NCAM2: variants seen among roughly 807,000 people sequenced by gnomAD.
NCAM2 encodes neural cell adhesion molecule 2.
In NCAM2, 30 loss-of-function variants were observed where a neutral mutation model predicts 98.1. The ratio of observed to expected loss-of-function variants is 0.31; its 90% CI spans 0.23 to 0.41. NCAM2 has a LOEUF of 0.41. Ranked by LOEUF, NCAM2 falls within the 10% of genes least tolerant of loss-of-function variation. The pLI, the probability that NCAM2 is intolerant of heterozygous loss-of-function variation, is 1.00. For missense variants in NCAM2, 867 were observed against 1,005.8 expected, an observed-to-expected ratio of 0.86 and a Z score of 1.87; for synonymous variants, 368 against 342.4, an observed-to-expected ratio of 1.07 and a Z score of -0.83.
chr21:21,366,510 A>G (rs752303911), intron 8 of NCAM2, among the ~76,000 whole-genome samples: 51 of 152,088 alleles, frequency 3.4e-4, no homozygotes, highest in Non-Finnish European at 5.7e-4. Context: ...TGCTGTCATA[A>G]TTCTTCAGTA....
intron 8 of NCAM2, among the ~76,000 whole-genome samples, chr21:21,371,325 T>C (rs748661470): frequency 1.2e-4 from 18 of 151,860 alleles, no homozygotes; most frequent in Non-Finnish European, 4.4e-5. Context: ...TTAGCAGTTA[T>C]GCATTGTCTT....
chr21:21,232,332 C>T (rs1483921394), intron 1 of NCAM2, among the ~76,000 whole-genome samples: 1 of 151,600 alleles, frequency 6.6e-6, no homozygotes, highest in Non-Finnish European at 1.5e-5. Context: ...AAACAGATTA[C>T]TGACTTGTGA....
chr21:21,450,253 A>G (rs1980822697), intron 12 of NCAM2, among the ~76,000 whole-genome samples: 1 of 151,898 alleles, frequency 6.6e-6, no homozygotes, highest in African/African-American at 2.4e-5. Context: ...ATGTATATGT[A>G]TGTATGTGTG....
In NCAM2 at chr21:21,472,804, C is replaced by T. The variant is rs1176326828; in HGVS notation, c.1896+4021C>T. Among the ~76,000 whole-genome samples the T allele has an allele frequency of 4.0e-5, 6 of 151,884 alleles. No individual in the cohort carries two copies. In the East Asian group the frequency reaches 9.7e-4, roughly 25 times the overall value. ...CTATGTGGGTGGTGGAGACTAGCAA[C>T]AGATTATGTAGGGCCTAATTTTAAA... is the stretch of plus-strand genomic sequence containing the variant. On this transcript the variant is annotated intron_variant, in intron 14 of 17. Coordinates refer to ENST00000400546, the MANE Select transcript of NCAM2 (RefSeq NM_004540.5).
chr21:21,535,378 A>C (rs886221863), intron 17 of NCAM2, among the ~76,000 whole-genome samples: 1 of 152,098 alleles, frequency 6.6e-6, no homozygotes, highest in Non-Finnish European at 1.5e-5. Context: ...TTTACTGTGC[A>C]CCAAAAAAAC....
At chr21:21,265,233 A>G (rs1206315023) in intron 1 of NCAM2, among the ~76,000 whole-genome samples, 2 of 126,640 alleles carry the variant, frequency 1.6e-5, no homozygotes, top group Non-Finnish European at 3.2e-5. Context: ...TATTATATAT[A>G]TGCATGTGTA....
intron 8 of NCAM2, among the ~76,000 whole-genome samples, chr21:21,344,842 G>A (rs1007886004): frequency 6.6e-6 from 1 of 152,150 alleles, no homozygotes; most frequent in African/African-American, 2.4e-5. Context: ...TGCTGTGGTG[G>A]CTTGAGGTCT....
intron 9 of NCAM2, among the ~76,000 whole-genome samples, chr21:21,391,105 CT>C (rs2076370748): frequency 6.6e-6 from 1 of 152,074 alleles, no homozygotes; most frequent in East Asian, 1.9e-4. Flanking sequence ...GTAATCACAC[CT>C]CCTCAGGAGG....
intron 1 of NCAM2, among the ~76,000 whole-genome samples, chr21:21,237,604 T>C (rs1362330616): frequency 6.6e-6 from 1 of 152,126 alleles, no homozygotes; most frequent in African/African-American, 2.4e-5. Context: ...TTCATTTTAT[T>C]TTTCCCTCTT....
chr21:21,362,577 A>G (rs1254995291), intron 8 of NCAM2, among the ~76,000 whole-genome samples: 1 of 152,042 alleles, frequency 6.6e-6, no homozygotes, highest in Non-Finnish European at 1.5e-5. Flanking sequence ...CTTAAGATCA[A>G]TTAATGAATC....
At chr21:21,010,674 T>G (rs2064192956) in intron 1 of NCAM2, among the ~76,000 whole-genome samples, 1 of 152,106 alleles carries the variant, frequency 6.6e-6, no homozygotes, top group Non-Finnish European at 1.5e-5. Context: ...CAAGTTTCAC[T>G]TGAGCTTTCC....
At chr21:20,999,212 G>A (rs372365555) in intron 1 of NCAM2, among the ~76,000 whole-genome samples, 138 of 152,266 alleles carry the variant, frequency 9.1e-4, no homozygotes, top group South Asian at 7.0e-3. Context: ...GATAAAACTA[G>A]GGATGTGTTG....
intron 14 of NCAM2, 27 bp downstream of exon 14, chr21:21,468,810 A>T (rs781196231): frequency 1.3e-6 from 2 of 1,585,068 alleles, no homozygotes; most frequent in Non-Finnish European, 1.7e-6. Flanking sequence ...TTGTCATATC[A>T]TGCTAGGTTT....
At chr21:21,172,633 C>T (rs541334558) in intron 1 of NCAM2, among the ~76,000 whole-genome samples, 2 of 152,214 alleles carry the variant, frequency 1.3e-5, no homozygotes, top group Admixed American at 1.3e-4. Context: ...GTATTTCAGC[C>T]TTTAACTGGA....
At chr21:21,224,381 A>G (rs1004925251) in intron 1 of NCAM2, among the ~76,000 whole-genome samples, 3 of 152,180 alleles carry the variant, frequency 2.0e-5, no homozygotes, top group Non-Finnish European at 4.4e-5. Flanking sequence ...AAGATAACCC[A>G]GGTAGAATAT....
intron 1 of NCAM2, among the ~76,000 whole-genome samples, chr21:21,261,821 T>A (rs1320278074): frequency 6.6e-6 from 1 of 150,730 alleles, no homozygotes; most frequent in East Asian, 2.0e-4. Context: ...CAAGAAAAAA[T>A]CAAACCCAAA....
chr21:21,334,372 T>C (rs2074798655), intron 6 of NCAM2, among the ~76,000 whole-genome samples: 1 of 152,234 alleles, frequency 6.6e-6, no homozygotes. Context: ...ATAAAGATTA[T>C]GTTCATATAT....
intron 13 of NCAM2, among the ~76,000 whole-genome samples, chr21:21,468,150 G>A (rs978934258): frequency 6.6e-6 from 1 of 151,770 alleles, no homozygotes; most frequent in African/African-American, 2.4e-5. Flanking sequence ...CTATAAAATT[G>A]GATACTGCAA....
intron 1 of NCAM2, among the ~76,000 whole-genome samples, chr21:21,035,743 G>A (rs1404396527): frequency 6.6e-6 from 1 of 152,102 alleles, no homozygotes; most frequent in African/African-American, 2.4e-5. Flanking sequence ...TATTTGATAA[G>A]AGTGTTTTCC....
Sources: allele counts gnomAD v4.1 joint callset (sites outside exome capture counted in the v4.1 genomes callset), GRCh38; gene constraint gnomAD v4.1.1; transcripts MANE v1.5; gene names NCBI Gene and HGNC (gene_info 2026-07-23, HGNC 2026-07-21).